The following TRPM8 variants were observed in gnomAD, a reference collection of about 807,000 sequenced individuals.
The protein encoded by TRPM8 is TRPM8 cationic channel.
Under a neutral mutation model 133.7 loss-of-function variants are expected in TRPM8, and 110 were observed. That is an observed-to-expected ratio of 0.82 (90% CI 0.70 to 0.96). The LOEUF (loss-of-function observed/expected upper bound fraction) is 0.96, where lower values mean the gene tolerates loss of function less well. Among genes scored for constraint, TRPM8 ranks in the 40% least tolerant of loss-of-function variants. The pLI, the probability that TRPM8 is intolerant of heterozygous loss-of-function variation, is 0.00. For synonymous variants in TRPM8, 535 were observed against 532.3 expected (o/e 1.01, Z -0.07); for missense variants, 1,291 against 1,379.5 (o/e 0.94, Z 1.02).
At chr2:233,936,960 G>A (rs796237869) in intron 3 of TRPM8, among the ~76,000 whole-genome samples, 95 of 138,892 alleles carry the variant, frequency 6.8e-4, no homozygotes, top group African/African-American at 2.5e-3. Flanking sequence ...GCAGTGGCGC[G>A]ATCTCAGCTC....
chr2:233,954,095 T>C (rs1011791392), intron 10 of TRPM8, 76 bp downstream of exon 10: 13 of 1,035,130 alleles, frequency 1.3e-5, no homozygotes, highest in Non-Finnish European at 1.8e-5. Context: ...ACATTTCTTT[T>C]ATAAAACAGC....
At chr2:233,938,392 T>C (rs1197786393) in intron 4 of TRPM8, among the ~76,000 whole-genome samples, 1 of 152,182 alleles carries the variant, frequency 6.6e-6, no homozygotes, top group African/African-American at 2.4e-5. Context: ...TCTCAGTTAA[T>C]TTAGAAAGTT....
chr2:233,940,358 C>T (rs1690875510), intron 5 of TRPM8, among the ~76,000 whole-genome samples: 1 of 151,044 alleles, frequency 6.6e-6, no homozygotes, highest in Non-Finnish European at 1.5e-5. Flanking sequence ...TTCTCAGTTT[C>T]CTTACCAACC....
At chr2:234,014,775 T>TG (rs972613072) in intron 25 of TRPM8, 121 bp downstream of exon 25, 7 of 401,908 alleles carry the variant, frequency 1.7e-5, no homozygotes, top group Non-Finnish European at 2.9e-5. Context: ...TTGAAAATAA[T>TG]GCATTGTGCA....
chr2:233,969,010 CTGGCTGTGCCTG>C (rs1393389677), intron 15 of TRPM8, among the ~76,000 whole-genome samples: 7 of 152,146 alleles, frequency 4.6e-5, no homozygotes, highest in African/African-American at 1.7e-4. Flanking sequence ...ACAGGTAGTA[CTGGCTGTGCCTG>C]TGAATTTGTG....
intron 22 of TRPM8, among the ~76,000 whole-genome samples, chr2:234,005,927 T>TACAC (rs35379195): frequency 0.13 from 18,092 of 135,854 alleles, 1,202 homozygotes; most frequent in East Asian, 0.21. Context: ...AAACGTCATC[T>TACAC]ACACACACAC....
intron 5 of TRPM8, among the ~76,000 whole-genome samples, chr2:233,942,071 C>CTTTTTTTTTTTTTTTTTTTTTTTTTTT (rs796852025): frequency 1.8e-5 from 2 of 111,704 alleles, no homozygotes; most frequent in African/African-American, 7.8e-5. Context: ...GGTCAAGAAT[C>CTTTTTTTTTTTTTTTTTTTTTTTTTTT]TTTTTTTTTT....
chr2:233,918,316 A>G (rs1032468865), intron 1 of TRPM8, among the ~76,000 whole-genome samples: 49 of 149,258 alleles, frequency 3.3e-4, no homozygotes, highest in African/African-American at 1.2e-3. Flanking sequence ...TTATAATTAT[A>G]TTACAAATAA....
At chr2:233,995,742 G>C (rs760698503) in intron 21 of TRPM8, among the ~76,000 whole-genome samples, 2 of 152,036 alleles carry the variant, frequency 1.3e-5, no homozygotes, top group South Asian at 2.1e-4. Context: ...TGAGTAGGGG[G>C]TGGGGGCAGC....
chr2:233,959,944 ATT>A (rs536486454), intron 11 of TRPM8, among the ~76,000 whole-genome samples: 11 of 134,876 alleles, frequency 8.2e-5, no homozygotes, highest in African/African-American at 8.0e-5. Context: ...ACCACACCTA[ATT>A]TTTTTTTTTT....
At chr2:233,927,631 A>G (rs1691545867) in intron 2 of TRPM8, among the ~76,000 whole-genome samples, 1 of 152,062 alleles carries the variant, frequency 6.6e-6, no homozygotes, top group African/African-American at 2.4e-5. Flanking sequence ...AACCCCAGTG[A>G]CGAAGCACCT....
rs1691510997 is a variant in TRPM8, at chr2:233,964,498, G to A, written c.1750-130G>A. ...ACCCGGGAGGTGGAGGTTGCAGTGAGCCAAGATCGTGCCACAGCACTCCAG... is the reference window on the plus strand; with the variant it reads ...ACCCGGGAGGTGGAGGTTGCAGTGAACCAAGATCGTGCCACAGCACTCCAG... On this transcript the variant is annotated intron_variant, in intron 13 of 25. Coordinates refer to ENST00000324695, the MANE Select transcript of TRPM8 (RefSeq NM_024080.5). 5 of 769,744 alleles carry A rather than the reference G, an allele frequency of 6.5e-6. No homozygotes were observed. The South Asian group carries it at 1.5e-4, about 24-fold the overall frequency. The allele number at this position is 769,744 out of a possible 1,614,324, so 47.7% of individuals were successfully genotyped here.
At chr2:233,962,998 A>G (rs1691476578) in intron 12 of TRPM8, among the ~76,000 whole-genome samples, 1 of 152,228 alleles carries the variant, frequency 6.6e-6, no homozygotes. Flanking sequence ...GCCTTCTGTC[A>G]GCCTGTCAGG....
At chr2:233,937,132 G>T (rs1192385912) in intron 3 of TRPM8, among the ~76,000 whole-genome samples, 1 of 152,020 alleles carries the variant, frequency 6.6e-6, no homozygotes, top group African/African-American at 2.4e-5. Context: ...CTGACCTCAA[G>T]TTATCCGCCC....
chr2:233,948,440 G>T (rs754575851), intron 8 of TRPM8, among the ~76,000 whole-genome samples: 1 of 152,144 alleles, frequency 6.6e-6, no homozygotes. Flanking sequence ...CAAGGTGATC[G>T]CCAAAAATTC....
rs1273325973 is a variant in TRPM8 at position 233,955,031 on chromosome 2, A to C, written c.1244-101A>C. ...CTGAATGTAAGAGAACATGATCAGC[A>C]TTACCTGTGATAAACAGCTCTGATA... On this transcript the variant is annotated intron_variant, in intron 10 of 25. Coordinates refer to ENST00000324695, the MANE Select transcript of TRPM8 (RefSeq NM_024080.5). 5.0e-6 allele frequency: 4 copies of C among 797,372 alleles called. No homozygotes were observed. The African/African-American group carries it at 5.1e-5, about 10-fold the overall frequency. The allele number at this position is 797,372 out of a possible 1,614,324, so 49.4% of individuals were successfully genotyped here.
In TRPM8 at chr2:233,942,740, G is replaced by T; in HGVS notation, c.691G>T (p.Asp231Tyr). ...SNRDTLIRNC[D>Y]AEGYFLAQYL... ...CCGGGACACCCTCATCAGGAATTGCGATGCTGAGGTACCGGTGGGACAGGA... is the reference window on the plus strand; with the variant it reads ...CCGGGACACCCTCATCAGGAATTGCTATGCTGAGGTACCGGTGGGACAGGA... The change falls in exon 6 of 26, where the codon GAT becomes TAT. Residue 231 changes from aspartate (D) to tyrosine (Y), a missense_variant. Around this residue, in one of 2 missense-constraint regions of TRPM8, gnomAD observed 963 missense variants for 968.9 expected, o/e 0.99. Coordinates refer to ENST00000324695, the MANE Select transcript of TRPM8 (RefSeq NM_024080.5). 1 of 1,614,086 alleles carries T rather than the reference G, an allele frequency of 6.2e-7. No individual in the cohort carries two copies. The highest frequency in any genetic ancestry group is 8.5e-7 in the Non-Finnish European group (1 of 1,180,044).
Position 233,942,019 on chromosome 2 carries a change from G to A in TRPM8, c.527-557G>A, listed in dbSNP as rs1386203855. 2.7e-5 allele frequency among the ~76,000 whole-genome samples: 4 copies of A among 149,604 alleles called. No individual in the cohort carries two copies. The East Asian group carries it at 6.0e-4, about 23-fold the overall frequency. On this transcript the variant is annotated intron_variant, in intron 5 of 25. Coordinates refer to ENST00000324695, the MANE Select transcript of TRPM8 (RefSeq NM_024080.5). ...GTTAAAGATACAGACAGATTCCCTCGACCCACCTCCCAGAGAGCCTGATGA... is the reference window on the plus strand; with the variant it reads ...GTTAAAGATACAGACAGATTCCCTCAACCCACCTCCCAGAGAGCCTGATGA...
intron 21 of TRPM8, among the ~76,000 whole-genome samples, chr2:233,992,230 A>G (rs1008544748): frequency 6.6e-6 from 1 of 150,684 alleles, no homozygotes. Context: ...TTTTCTTTTT[A>G]TCATGTCATG....
Sources: allele counts gnomAD v4.1 joint callset (sites outside exome capture counted in the v4.1 genomes callset), GRCh38; gene constraint gnomAD v4.1.1; regional missense constraint gnomAD v4.1.1; transcripts MANE v1.5; gene names NCBI Gene and HGNC (gene_info 2026-07-23, HGNC 2026-07-21).